Variants in LRRTM4 observed in about 807,000 individuals in gnomAD.
LRRTM4 encodes the protein leucine rich repeat transmembrane neuronal 4, also known as leucine-rich repeat transmembrane neuronal protein 4.
LRRTM4 carries 25 observed loss-of-function variants against 47.6 expected under a neutral mutation model. The ratio of observed to expected loss-of-function variants is 0.53; its 90% CI spans 0.38 to 0.73. The LOEUF is 0.73. Among genes scored for constraint, LRRTM4 ranks in the 30% least tolerant of loss-of-function variants. LRRTM4 has a pLI of 0.00. For synonymous variants in LRRTM4, 311 were observed against 269.5 expected, an observed-to-expected ratio of 1.15 and a Z score of -1.51; for missense variants, 638 against 713.4, an observed-to-expected ratio of 0.89 and a Z score of 1.20.
chr2:77,002,538 C>T (rs1368694492), intron 3 of LRRTM4, among the ~76,000 whole-genome samples: 1 of 152,146 alleles, frequency 6.6e-6, no homozygotes, highest in East Asian at 1.9e-4. Flanking sequence ...ATTGCTATCC[C>T]TATGTCCTTA....
intron 3 of LRRTM4, among the ~76,000 whole-genome samples, chr2:77,084,542 G>A (rs1466092569): frequency 6.6e-6 from 1 of 152,130 alleles, no homozygotes; most frequent in Non-Finnish European, 1.5e-5. Context: ...ATGGTAAGTT[G>A]ACTAGTTTAT....
At chr2:77,456,206 C>T (rs919651823) in intron 3 of LRRTM4, among the ~76,000 whole-genome samples, 1 of 152,114 alleles carries the variant, frequency 6.6e-6, no homozygotes, top group Non-Finnish European at 1.5e-5. Context: ...TCCATAAATT[C>T]CTGACGCAGT....
chr2:77,060,336 T>C (rs947423078), intron 3 of LRRTM4, among the ~76,000 whole-genome samples: 54 of 152,180 alleles, frequency 3.5e-4, no homozygotes, highest in Non-Finnish European at 1.8e-4. Flanking sequence ...AATTATTTTG[T>C]AATATAAAGA....
chr2:76,845,579 G>C (rs1671815071), intron 3 of LRRTM4, among the ~76,000 whole-genome samples: 2 of 152,154 alleles, frequency 1.3e-5, no homozygotes, highest in Non-Finnish European at 1.5e-5. Flanking sequence ...GGTCCTGTGA[G>C]CTCCCAGGTA....
At chr2:77,291,736 A>G (rs894200485) in intron 3 of LRRTM4, among the ~76,000 whole-genome samples, 1 of 152,090 alleles carries the variant, frequency 6.6e-6, no homozygotes, top group Non-Finnish European at 1.5e-5. Context: ...ACCTATTATT[A>G]TGTTTTTATT....
intron 3 of LRRTM4, among the ~76,000 whole-genome samples, chr2:76,998,141 C>G (rs1205213426): frequency 6.6e-6 from 1 of 152,006 alleles, no homozygotes; most frequent in Admixed American, 6.6e-5. Flanking sequence ...ACCATCCCAC[C>G]CTGCTCCCCA....
At chr2:77,224,617 A>G (rs1674748332) in intron 3 of LRRTM4, among the ~76,000 whole-genome samples, 2 of 152,254 alleles carry the variant, frequency 1.3e-5, no homozygotes, top group South Asian at 4.1e-4. Context: ...AAAAATGCTC[A>G]TCATCACTGG....
At chr2:77,241,101 A>G (rs1280524095) in intron 3 of LRRTM4, among the ~76,000 whole-genome samples, 2 of 151,938 alleles carry the variant, frequency 1.3e-5, no homozygotes, top group East Asian at 1.9e-4. Context: ...AGACAACACA[A>G]TTTTGAAAAA....
intron 3 of LRRTM4, among the ~76,000 whole-genome samples, chr2:77,086,637 C>T (rs1002868585): frequency 6.6e-6 from 1 of 151,654 alleles, no homozygotes; most frequent in African/African-American, 2.4e-5. Flanking sequence ...AGCACCATGC[C>T]TGACTTTCGT....
intron 3 of LRRTM4, among the ~76,000 whole-genome samples, chr2:77,241,645 C>T (rs185041747): frequency 8.6e-4 from 131 of 152,146 alleles, no homozygotes; most frequent in Middle Eastern, 6.8e-3. Flanking sequence ...AACCTTTTAT[C>T]TTTGAATATA....
At chr2:77,505,517 CAA>C (rs1208644805) in intron 3 of LRRTM4, among the ~76,000 whole-genome samples, 1 of 151,128 alleles carries the variant, frequency 6.6e-6, no homozygotes, top group Non-Finnish European at 1.5e-5. Flanking sequence ...AAGTTAGAAA[CAA>C]AAAAATTGCT....
chr2:76,865,672 C>T (rs1307727135), intron 3 of LRRTM4, among the ~76,000 whole-genome samples: 1 of 152,086 alleles, frequency 6.6e-6, no homozygotes, highest in East Asian at 1.9e-4. Context: ...AAAGGAATCT[C>T]TAAGATTCTT....
intron 3 of LRRTM4, among the ~76,000 whole-genome samples, chr2:77,022,625 A>G (rs756291762): frequency 2.6e-5 from 4 of 152,214 alleles, no homozygotes; most frequent in Non-Finnish European, 4.4e-5. Context: ...AAGGGGCTAC[A>G]GGCACCATGC....
At chr2:77,408,299 C>A (rs1204893597) in intron 3 of LRRTM4, among the ~76,000 whole-genome samples, 1 of 152,088 alleles carries the variant, frequency 6.6e-6, no homozygotes, top group Non-Finnish European at 1.5e-5. Context: ...TCTTTGCTTT[C>A]ATATCTGCTA....
At chr2:77,486,968 T>C (rs1677937880) in intron 3 of LRRTM4, among the ~76,000 whole-genome samples, 1 of 152,272 alleles carries the variant, frequency 6.6e-6, no homozygotes, top group African/African-American at 2.4e-5. Flanking sequence ...CATTTCTACT[T>C]GTGCACATAA....
intron 3 of LRRTM4, among the ~76,000 whole-genome samples, chr2:77,350,595 T>C (rs935221357): frequency 3.9e-5 from 6 of 152,072 alleles, no homozygotes; most frequent in African/African-American, 1.4e-4. Context: ...AAACCATTTA[T>C]GGAAGTGCAA....
At chr2:77,367,034 C>G (rs183305374) in intron 3 of LRRTM4, among the ~76,000 whole-genome samples, 3 of 151,958 alleles carry the variant, frequency 2.0e-5, no homozygotes, top group Admixed American at 2.0e-4. Context: ...CCACATAATT[C>G]CCTTTCCATT....
chr2:76,914,206 C>T (rs530862817), intron 3 of LRRTM4, among the ~76,000 whole-genome samples: 3 of 151,830 alleles, frequency 2.0e-5, no homozygotes, highest in African/African-American at 4.8e-5. Context: ...CCTAAAGCTC[C>T]GTCCATCATA....
intron 3 of LRRTM4, among the ~76,000 whole-genome samples, chr2:76,784,001 C>T (rs1674534697): frequency 6.6e-6 from 1 of 152,056 alleles, no homozygotes. Flanking sequence ...AGAGTTGCTA[C>T]TTGAATTTTC....
Sources: gnomAD v4.1 joint callset for allele counts (sites outside exome capture counted in the v4.1 genomes callset) on GRCh38, gnomAD v4.1.1 for gene constraint, MANE v1.5 for transcripts, NCBI Gene and HGNC (gene_info 2026-07-23, HGNC 2026-07-21) for gene names.